ATF6: variants seen among roughly 807,000 people sequenced by gnomAD.
The protein encoded by ATF6 is cyclic AMP-dependent transcription factor ATF-6 alpha.
In ATF6, 53 loss-of-function variants were observed where a neutral mutation model predicts 83.6. The ratio of observed to expected loss-of-function variants is 0.63; its 90% CI spans 0.51 to 0.80. ATF6 has a LOEUF of 0.80. ATF6 is among the 30% of genes least tolerant of loss of function. ATF6 has a pLI of 0.00. For synonymous variants in ATF6, 288 were observed against 285.8 expected, an observed-to-expected ratio of 1.01 and a Z score of -0.08; for missense variants, 744 against 797.9, an observed-to-expected ratio of 0.93 and a Z score of 0.81.
chr1:161,792,470 G>A (rs1571135069), intron 6 of ATF6, 143 bp downstream of exon 6: 1 of 763,166 alleles, frequency 1.3e-6, no homozygotes, highest in Non-Finnish European at 2.1e-6. Flanking sequence ...ACGTTGCAGA[G>A]ATGACTAATG....
intron 15 of ATF6, among the ~76,000 whole-genome samples, chr1:161,931,056 T>C (rs1387936519): frequency 6.6e-6 from 1 of 152,116 alleles, no homozygotes; most frequent in Non-Finnish European, 1.5e-5. Flanking sequence ...TTTGTATTAG[T>C]AGAGACGGGA....
intron 14 of ATF6, among the ~76,000 whole-genome samples, chr1:161,871,290 G>A (rs116794903): frequency 0.013 from 1,971 of 151,572 alleles, 48 homozygotes; most frequent in African/African-American, 0.044. Flanking sequence ...TTTTGCTGTG[G>A]AATAGAATAA....
In ATF6 at chr1:161,898,166, A is replaced by C. The variant is rs543171109; in HGVS notation, c.1720-14130A>C. Among the ~76,000 whole-genome samples, 3 of 152,328 alleles carry C rather than the reference A, an allele frequency of 2.0e-5. No homozygotes were observed. The East Asian group carries it at 5.8e-4, about 29-fold the overall frequency. ...GTAAGCCAAACCTTCTTACAGTGCA[A>C]CTTGGTCTTGGAACTTAGAATGCTT... On this transcript the variant is annotated intron_variant, in intron 14 of 15. Transcript: ENST00000367942.
At chr1:161,951,362 C>T (rs1263357093) in intron 15 of ATF6, among the ~76,000 whole-genome samples, 2 of 152,210 alleles carry the variant, frequency 1.3e-5, no homozygotes, top group African/African-American at 4.8e-5. Context: ...TCTGCGATGG[C>T]ACTTTCTCAA....
At chr1:161,858,849 A>G (rs1686819338) in intron 12 of ATF6, among the ~76,000 whole-genome samples, 1 of 152,192 alleles carries the variant, frequency 6.6e-6, no homozygotes, top group South Asian at 2.1e-4. Flanking sequence ...TGTTTGCCTG[A>G]TATCTCTGTA....
chr1:161,941,276 A>G (rs765076888), intron 15 of ATF6, among the ~76,000 whole-genome samples: 19 of 152,248 alleles, frequency 1.2e-4, no homozygotes, highest in Non-Finnish European at 2.4e-4. Context: ...TTAGGATTAC[A>G]TAATGCCTGA....
At chr1:161,916,943 G>T (rs1571235323) in intron 15 of ATF6, among the ~76,000 whole-genome samples, 1 of 152,198 alleles carries the variant, frequency 6.6e-6, no homozygotes, top group South Asian at 2.1e-4. Flanking sequence ...CTTGAAATAT[G>T]TTATTTTCTA....
At chr1:161,863,120 T>G in intron 13 of ATF6, 78 bp from the exon 14 acceptor site, 1 of 760,298 alleles carries the variant, frequency 1.3e-6, no homozygotes. Flanking sequence ...AATTCAGACA[T>G]AGCCTTAGAA....
chr1:161,952,564 AT>A (rs1268459539), intron 15 of ATF6, among the ~76,000 whole-genome samples: 2 of 150,820 alleles, frequency 1.3e-5, no homozygotes, highest in Non-Finnish European at 1.5e-5. Flanking sequence ...TGAGGACAGG[AT>A]TTTTTTTTCC....
chr1:161,828,241 T>C (rs1289598885), intron 9 of ATF6, among the ~76,000 whole-genome samples: 1 of 152,112 alleles, frequency 6.6e-6, no homozygotes, highest in Admixed American at 6.5e-5. Flanking sequence ...GGCAATATGG[T>C]AGGCTAAAGG....
chr1:161,799,142 C>A (rs1213552450), intron 6 of ATF6, among the ~76,000 whole-genome samples: 2 of 152,172 alleles, frequency 1.3e-5, no homozygotes, highest in African/African-American at 2.4e-5. Flanking sequence ...ATGTTCATCA[C>A]AGAACTATTC....
rs35432799 is a variant in ATF6, at chr1:161,937,347, T to TAAA, written c.1805-21078_1805-21076dup. Reference sequence around the variant, plus strand: ...CGACAGAGTGAGACTCCCTCTCAGTTAAAAAAAAAAAAAAAAAAAAAAATC... The same window carrying TAAA: ...CGACAGAGTGAGACTCCCTCTCAGTTAAAAAAAAAAAAAAAAAAAAAAAAAATC... On this transcript the variant is annotated intron_variant, in intron 15 of 15. Transcript: ENST00000367942. Among the ~76,000 whole-genome samples the TAAA allele has an allele frequency of 2.3e-3, 254 of 110,990 alleles. 1 individual carries two copies. The highest frequency in any genetic ancestry group is 8.1e-3 in the African/African-American group (235 of 29,118). 72.8% of individuals were successfully genotyped at this position (110,990 alleles called of 152,430 possible).
At chr1:161,796,923 G>GTT (rs112975555) in intron 6 of ATF6, among the ~76,000 whole-genome samples, 12 of 144,972 alleles carry the variant, frequency 8.3e-5, no homozygotes, top group Admixed American at 5.5e-4. Flanking sequence ...TTGTTTTTTG[G>GTT]TTTTTTTTTT....
chr1:161,775,380 A>G (rs1353060982), intron 1 of ATF6, among the ~76,000 whole-genome samples: 1 of 152,124 alleles, frequency 6.6e-6, no homozygotes, highest in Admixed American at 6.5e-5. Context: ...TAATAACCCC[A>G]ATCTATATCA....
At chr1:161,887,526 T>C (rs973817181) in intron 14 of ATF6, among the ~76,000 whole-genome samples, 11 of 152,240 alleles carry the variant, frequency 7.2e-5, no homozygotes, top group African/African-American at 2.2e-4. Context: ...ATCAGAGTTT[T>C]AAGATGATCT....
intron 9 of ATF6, chr1:161,840,497 T>G (rs1048765159): frequency 4.6e-5 from 7 of 152,204 alleles, no homozygotes; most frequent in Admixed American, 2.6e-4. Flanking sequence ...AAAATTGACC[T>G]ACTTGTACCA....
At chr1:161,791,615 G>T (rs920591676) in intron 5 of ATF6, 78 bp downstream of exon 5, 3 of 1,463,096 alleles carry the variant, frequency 2.1e-6, no homozygotes, top group East Asian at 2.4e-5. Context: ...GAAAATGCTG[G>T]ATTAAATTTA....
At chr1:161,942,137 TAACA>T (rs1421221506) in intron 15 of ATF6, among the ~76,000 whole-genome samples, 3 of 152,216 alleles carry the variant, frequency 2.0e-5, no homozygotes, top group African/African-American at 7.2e-5. Flanking sequence ...ACACTTGTAT[TAACA>T]GTAGAAACAC....
chr1:161,851,658 C>A, intron 10 of ATF6, 64 bp from the exon 11 acceptor site: 1 of 1,124,324 alleles, frequency 8.9e-7, no homozygotes, highest in Non-Finnish European at 1.3e-6. Flanking sequence ...TGATGATTTT[C>A]TTATAGCAAA....
Sources: allele counts gnomAD v4.1 joint callset (sites outside exome capture counted in the v4.1 genomes callset), GRCh38; gene constraint gnomAD v4.1.1; transcripts MANE v1.5; gene names NCBI Gene and HGNC (gene_info 2026-07-23, HGNC 2026-07-21).